The following VPS8 variants were observed in gnomAD, a reference collection of about 807,000 sequenced individuals.
The protein encoded by VPS8 is vacuolar protein sorting-associated protein 8 homolog.
VPS8 carries 129 observed loss-of-function variants against 216.4 expected under a neutral mutation model. The ratio of observed to expected loss-of-function variants is 0.60; its 90% CI spans 0.52 to 0.69. The LOEUF (loss-of-function observed/expected upper bound fraction) is 0.69, where lower values mean the gene tolerates loss of function less well. Ranked by LOEUF, VPS8 falls within the 30% of genes least tolerant of loss-of-function variation. The pLI, the probability that VPS8 is intolerant of heterozygous loss-of-function variation, is 0.00. For synonymous variants in VPS8, 571 were observed against 565.4 expected, an observed-to-expected ratio of 1.01 and a Z score of -0.14; for missense variants, 1,531 against 1,683.5, an observed-to-expected ratio of 0.91 and a Z score of 1.59.
At chr3:184,840,998 T>C (rs767705677) in intron 7 of VPS8, among the ~76,000 whole-genome samples, 4 of 152,196 alleles carry the variant, frequency 2.6e-5, no homozygotes, top group Non-Finnish European at 5.9e-5. Flanking sequence ...TTATAAATTT[T>C]GTATTATGAC....
chr3:184,899,315 G>A (rs1734068626), intron 24 of VPS8, among the ~76,000 whole-genome samples: 1 of 152,176 alleles, frequency 6.6e-6, no homozygotes, highest in African/African-American at 2.4e-5. Context: ...CTTTATTATA[G>A]TGTCCCTCAA....
At chr3:184,911,532 G>A (rs962403298) in intron 25 of VPS8, among the ~76,000 whole-genome samples, 6 of 152,242 alleles carry the variant, frequency 3.9e-5, no homozygotes, top group Non-Finnish European at 8.8e-5. Context: ...GAACTTCAGT[G>A]TTTAAAGGGT....
intron 22 of VPS8, among the ~76,000 whole-genome samples, chr3:184,892,560 T>G (rs1441895433): frequency 6.6e-6 from 1 of 152,176 alleles, no homozygotes; most frequent in Non-Finnish European, 1.5e-5. Context: ...CCTGATGCAC[T>G]AATAAGTATT....
intron 3 of VPS8, 94 bp from the exon 4 acceptor site, chr3:184,832,595 G>C (rs889422449): frequency 4.5e-6 from 5 of 1,112,714 alleles, no homozygotes; most frequent in Admixed American, 5.8e-5. Flanking sequence ...GCAGAAATAA[G>C]CACTTGTGTG....
intron 47 of VPS8, among the ~76,000 whole-genome samples, chr3:185,049,070 A>G (rs552916963): frequency 1.3e-5 from 2 of 152,332 alleles, no homozygotes; most frequent in East Asian, 3.9e-4. Flanking sequence ...CTTCCTTAGC[A>G]CATGACTTAA....
At chr3:184,893,374 G>T in intron 22 of VPS8, 13 of 1,176,282 alleles carry the variant, frequency 1.1e-5, no homozygotes, top group Non-Finnish European at 1.4e-5. Flanking sequence ...TACATATAAA[G>T]AAATTACACA....
intron 25 of VPS8, among the ~76,000 whole-genome samples, chr3:184,908,176 G>A (rs1735826748): frequency 6.6e-6 from 1 of 151,432 alleles, no homozygotes; most frequent in Non-Finnish European, 1.5e-5. Flanking sequence ...CTGAGTTAGG[G>A]CAAAAAAAAA....
intron 40 of VPS8, among the ~76,000 whole-genome samples, chr3:184,973,090 C>G (rs1304886824): frequency 6.6e-6 from 1 of 152,058 alleles, no homozygotes; most frequent in African/African-American, 2.4e-5. Flanking sequence ...GTATAACAAG[C>G]CTAGTTACAT....
At chr3:184,910,830 C>G (rs1240386361) in intron 25 of VPS8, among the ~76,000 whole-genome samples, 2 of 152,304 alleles carry the variant, frequency 1.3e-5, no homozygotes, top group South Asian at 4.1e-4. Flanking sequence ...TCTCCTCCCC[C>G]AAATGAGGCT....
At chr3:185,027,806 C>G (rs1435137037) in intron 46 of VPS8, among the ~76,000 whole-genome samples, 3 of 152,158 alleles carry the variant, frequency 2.0e-5, no homozygotes, top group Non-Finnish European at 4.4e-5. Context: ...CGGCATCAGG[C>G]AAACAGAAGC....
intron 47 of VPS8, among the ~76,000 whole-genome samples, chr3:185,050,251 G>A (rs769654762): frequency 2.0e-5 from 3 of 151,760 alleles, no homozygotes; most frequent in Admixed American, 1.3e-4. Flanking sequence ...AGAGAACGTC[G>A]CAGGCTGATG....
In VPS8 at chr3:184,971,651, A is replaced by G. The variant is rs1472970049; in HGVS notation, c.3319A>G (p.Thr1107Ala). The G allele has an allele frequency of 1.2e-6, 2 of 1,609,176 alleles. No homozygotes were observed. Among genetic ancestry groups the G allele is most frequent in the East Asian group, 4.5e-5 (2 of 44,786 alleles). Residue 1107 changes from threonine to alanine, a missense_variant and splice_region_variant, in exon 40 of 48, where the codon ACC (threonine) becomes GCC (alanine). Coordinates refer to ENST00000625842, the MANE Select transcript of VPS8 (RefSeq NM_001009921.3). The stretch of plus-strand genomic sequence containing the variant: ...GTTTACACTTTTTCTAAATCTAGAT[A>G]CCAAAGAGGATCCCTCATTGAAGGA... Reference protein sequence around the residue: ...LQEVTHQGENTKEDPSLKDVE... With the variant: ...LQEVTHQGENAKEDPSLKDVE...
At chr3:184,908,420 A>C (rs893055152) in intron 25 of VPS8, among the ~76,000 whole-genome samples, 14 of 152,216 alleles carry the variant, frequency 9.2e-5, no homozygotes, top group African/African-American at 2.7e-4. Flanking sequence ...CCAAGTGCTG[A>C]CACAGGAACA....
chr3:184,869,670 C>T, intron 20 of VPS8, 142 bp downstream of exon 20: 1 of 770,670 alleles, frequency 1.3e-6, no homozygotes, highest in Non-Finnish European at 2.0e-6. Context: ...CAGACACACA[C>T]TTGGGGTCAG....
At chr3:184,900,123 A>G (rs1197782149) in intron 24 of VPS8, among the ~76,000 whole-genome samples, 1 of 152,206 alleles carries the variant, frequency 6.6e-6, no homozygotes, top group African/African-American at 2.4e-5. Flanking sequence ...TGACTAAGGT[A>G]AGAATAGTGC....
rs561614485 is a variant in VPS8 at position 184,891,161 on chromosome 3, G to A, written c.1782-3542G>A. Among the ~76,000 whole-genome samples, 14 of 152,052 alleles carry A rather than the reference G, an allele frequency of 9.2e-5. No homozygotes were observed. The East Asian group carries it at 1.3e-3, about 15-fold the overall frequency. ...ATGGGTGCTCTATATGGATGATACC[G>A]ACGACTTTGAGTTTATATCACTGTA... On this transcript the variant is annotated intron_variant, in intron 22 of 47. Coordinates refer to ENST00000625842, the MANE Select transcript of VPS8 (RefSeq NM_001009921.3).
chr3:184,849,860 C>A (rs1723921731), intron 9 of VPS8, 76 bp from the exon 10 acceptor site: 2 of 1,087,392 alleles, frequency 1.8e-6, no homozygotes, highest in African/African-American at 1.6e-5. Flanking sequence ...ATAGATTATT[C>A]CAGCCAGAAG....
At chr3:185,031,367 T>C (rs1038827993) in intron 46 of VPS8, among the ~76,000 whole-genome samples, 1 of 152,224 alleles carries the variant, frequency 6.6e-6, no homozygotes, top group Non-Finnish European at 1.5e-5. Flanking sequence ...CCTTGATCGA[T>C]ATAGATGCTT....
chr3:184,955,406 G>A (rs1222275093), intron 36 of VPS8, among the ~76,000 whole-genome samples: 1 of 152,108 alleles, frequency 6.6e-6, no homozygotes, highest in African/African-American at 2.4e-5. Flanking sequence ...CTCTGCGGTG[G>A]CTACCTAAAA....
Sources: gnomAD v4.1 joint callset for allele counts (sites outside exome capture counted in the v4.1 genomes callset) on GRCh38, gnomAD v4.1.1 for gene constraint, MANE v1.5 for transcripts, NCBI Gene and HGNC (gene_info 2026-07-23, HGNC 2026-07-21) for gene names.